SIPA1L1: variants seen among roughly 807,000 people sequenced by gnomAD.
The protein encoded by SIPA1L1 is signal induced proliferation associated 1 like 1, also known as signal-induced proliferation-associated 1-like protein 1.
SIPA1L1 carries 26 observed loss-of-function variants against 162.7 expected under a neutral mutation model. That is an observed-to-expected ratio of 0.16 (90% CI 0.12 to 0.22). The LOEUF is 0.22. SIPA1L1 is among the 10% of genes least tolerant of loss of function. SIPA1L1 has a pLI of 1.00. For synonymous variants in SIPA1L1, 829 were observed against 837.4 expected (o/e 0.99, Z 0.17); for missense variants, 1,874 against 2,241.0 (o/e 0.84, Z 3.31).
chr14:71,619,957 G>C (rs1296955798), intron 6 of SIPA1L1, among the ~76,000 whole-genome samples: 1 of 152,152 alleles, frequency 6.6e-6, no homozygotes, highest in East Asian at 1.9e-4. Flanking sequence ...ATCATTAAGT[G>C]GTGTAAATTA....
chr14:71,703,224 T>A (rs539031032), intron 15 of SIPA1L1, among the ~76,000 whole-genome samples: 1 of 152,322 alleles, frequency 6.6e-6, no homozygotes, highest in South Asian at 2.1e-4. Context: ...ATCTAGATTG[T>A]TAGACTGTTG....
intron 12 of SIPA1L1, among the ~76,000 whole-genome samples, chr14:71,677,278 C>T (rs112777750): frequency 5.9e-5 from 9 of 152,194 alleles, no homozygotes; most frequent in South Asian, 2.1e-4. Flanking sequence ...TCTTCTTTTG[C>T]GAAGTGTCTG....
At chr14:71,434,378 C>A (rs1262175454) in intron 2 of SIPA1L1, among the ~76,000 whole-genome samples, 1 of 152,128 alleles carries the variant, frequency 6.6e-6, no homozygotes, top group African/African-American at 2.4e-5. Flanking sequence ...TAAGTTTAAT[C>A]ACAAAGTAAT....
At chr14:71,363,995 C>G (rs2038045553) in intron 2 of SIPA1L1, among the ~76,000 whole-genome samples, 1 of 152,208 alleles carries the variant, frequency 6.6e-6, no homozygotes, top group South Asian at 2.1e-4. Flanking sequence ...CTGAAACTCT[C>G]TTGGTCTCAG....
At chr14:71,400,967 C>T (rs1566975683) in intron 2 of SIPA1L1, 1 of 152,086 alleles carries the variant, frequency 6.6e-6, no homozygotes, top group Admixed American at 6.5e-5. Flanking sequence ...ATTTATGTAC[C>T]TCCCATTTTC....
chr14:71,676,891 G>T (rs1167584093), intron 12 of SIPA1L1, among the ~76,000 whole-genome samples: 1 of 152,126 alleles, frequency 6.6e-6, no homozygotes, highest in Non-Finnish European at 1.5e-5. Flanking sequence ...GGACATTTGG[G>T]TTGGTTCCAA....
At position 71,672,461 on chromosome 14, in the gene SIPA1L1, T is replaced by G. The variant is rs761546117; in HGVS notation, c.2943T>G (p.Gly981=). 1.9e-6 allele frequency: 3 copies of G among 1,614,076 alleles called. No individual in the cohort carries two copies. The African/African-American group carries it at 4.0e-5, about 22-fold the overall frequency. ...EGIVADVEPY[G]YAWQAGLRQG... Reference sequence around the variant, plus strand: ...TTGTGGCGGATGTGGAGCCCTACGGTTATGCCTGGCAGGCAGGGCTGAGGC... The same window carrying G: ...TTGTGGCGGATGTGGAGCCCTACGGGTATGCCTGGCAGGCAGGGCTGAGGC... Residue 981 remains glycine (G), a synonymous_variant, in exon 12 of 24, where the codon GGT becomes GGG. Transcript: ENST00000381232.
intron 2 of SIPA1L1, among the ~76,000 whole-genome samples, chr14:71,507,374 G>C (rs981186553): frequency 1.1e-4 from 16 of 152,148 alleles, no homozygotes; most frequent in African/African-American, 3.9e-4. Flanking sequence ...AATGAAAAAT[G>C]TCTTCCAAGA....
chr14:71,678,140 C>T (rs886227155), intron 12 of SIPA1L1, among the ~76,000 whole-genome samples: 8 of 152,184 alleles, frequency 5.3e-5, no homozygotes, highest in Non-Finnish European at 1.0e-4. Flanking sequence ...ATTTCTTTCT[C>T]CTGCCTGATT....
chr14:71,433,823 A>G (rs890561742), intron 2 of SIPA1L1, among the ~76,000 whole-genome samples: 1 of 152,224 alleles, frequency 6.6e-6, no homozygotes, highest in East Asian at 1.9e-4. Flanking sequence ...ACCTTTTCAA[A>G]TGTTGACTTT....
At chr14:71,607,173 G>A (rs2148205651) in intron 5 of SIPA1L1, among the ~76,000 whole-genome samples, 1 of 151,758 alleles carries the variant, frequency 6.6e-6, no homozygotes, top group African/African-American at 2.4e-5. Context: ...CCAGGGGGAG[G>A]TGACAGGAAG....
rs747704535 is a variant in SIPA1L1, at chr14:71,741,180, G to A, written c.*2019G>A. ...TTCTTGAAAATTTCTGTCCTTCTCA[G>A]AATGTTAATAAACTTTTTTACTCTG... is the stretch of plus-strand genomic sequence containing the variant. On this transcript the variant is annotated 3_prime_UTR_variant, in exon 24 of 24. Transcript: ENST00000381232. 6.6e-6 allele frequency: 1 copy of A among 152,162 alleles called. No homozygotes were observed. The highest frequency in any genetic ancestry group is 1.5e-5 in the Non-Finnish European group (1 of 68,026). The allele number at this position is 152,162 out of a possible 1,614,324, so 9.4% of individuals were successfully genotyped here. A position where few individuals can be genotyped will look rare whatever the true frequency, so the allele number is the denominator to read the frequency against.
At chr14:71,388,038 A>C (rs976404522) in intron 2 of SIPA1L1, among the ~76,000 whole-genome samples, 2 of 152,258 alleles carry the variant, frequency 1.3e-5, no homozygotes, top group African/African-American at 4.8e-5. Context: ...GTTAACTGAG[A>C]TATCAGTGCA....
intron 2 of SIPA1L1, among the ~76,000 whole-genome samples, chr14:71,464,593 A>T (rs2046845280): frequency 6.6e-6 from 1 of 152,170 alleles, no homozygotes; most frequent in South Asian, 2.1e-4. Flanking sequence ...GTGAGCCCAA[A>T]TCATGCCACT....
At chr14:71,574,706 CAAAAA>C (rs5809524) in intron 4 of SIPA1L1, 8 of 149,664 alleles carry the variant, frequency 5.3e-5, no homozygotes, top group Non-Finnish European at 1.0e-4. Context: ...AAAAGGTTGG[CAAAAA>C]AAAAAAAAGA....
intron 6 of SIPA1L1, among the ~76,000 whole-genome samples, chr14:71,621,542 G>C (rs538946572): frequency 6.6e-6 from 1 of 152,160 alleles, no homozygotes. Context: ...AAACCACAGA[G>C]GCCTTCCTTG....
chr14:71,655,142 C>T (rs577812043), intron 8 of SIPA1L1, among the ~76,000 whole-genome samples: 3 of 152,154 alleles, frequency 2.0e-5, no homozygotes, highest in South Asian at 2.1e-4. Flanking sequence ...CTTTTGGACT[C>T]GCCAATGTCT....
At chr14:71,579,570 G>A (rs1382815987) in intron 4 of SIPA1L1, among the ~76,000 whole-genome samples, 1 of 152,200 alleles carries the variant, frequency 6.6e-6, no homozygotes. Context: ...CAGTCAGACA[G>A]ACAGAGGAAC....
intron 7 of SIPA1L1, among the ~76,000 whole-genome samples, chr14:71,649,607 G>A (rs1431150447): frequency 6.6e-6 from 1 of 152,132 alleles, no homozygotes; most frequent in Non-Finnish European, 1.5e-5. Flanking sequence ...TTTGATTAAT[G>A]TTATAAGTAA....
Sources: gnomAD v4.1 joint callset for allele counts (sites outside exome capture counted in the v4.1 genomes callset) on GRCh38, gnomAD v4.1.1 for gene constraint, MANE v1.5 for transcripts, NCBI Gene and HGNC (gene_info 2026-07-23, HGNC 2026-07-21) for gene names.